The following COL19A1 variants were observed in gnomAD, a reference collection of about 807,000 sequenced individuals.
COL19A1 encodes collagen alpha-1(XIX) chain.
A neutral mutation model predicts 190.2 loss-of-function variants in COL19A1; 159 were observed. The ratio of observed to expected loss-of-function variants is 0.84; its 90% CI spans 0.73 to 0.95. COL19A1 has a LOEUF of 0.95. Ranked by LOEUF, COL19A1 falls within the 40% of genes least tolerant of loss-of-function variation. The probability of loss-of-function intolerance (pLI) is 0.00; values close to 1 mark genes in which losing one functional copy is unlikely to be tolerated. For missense variants in COL19A1, 1,418 were observed against 1,431.9 expected, an observed-to-expected ratio of 0.99 and a Z score of 0.16; for synonymous variants, 509 against 458.9, an observed-to-expected ratio of 1.11 and a Z score of -1.39.
At chr6:70,185,065 T>A in intron 46 of COL19A1, 150 bp downstream of exon 46, 1 of 692,440 alleles carries the variant, frequency 1.4e-6, no homozygotes, top group Non-Finnish European at 2.3e-6. Flanking sequence ...TACCAGACAT[T>A]AAATATGACA....
intron 47 of COL19A1, among the ~76,000 whole-genome samples, chr6:70,189,783 A>G (rs1766739568): frequency 6.6e-6 from 1 of 152,238 alleles, no homozygotes; most frequent in African/African-American, 2.4e-5. Context: ...AAATTACAGA[A>G]TAAACTTTAT....
At chr6:70,176,635 G>A (rs1765823226) in intron 42 of COL19A1, 71 bp downstream of exon 42, 3 of 1,498,674 alleles carry the variant, frequency 2.0e-6, no homozygotes, top group Non-Finnish European at 9.2e-7. Flanking sequence ...CTGTGGCCAG[G>A]GATCAAGACA....
rs901687590 is a variant in COL19A1 at position 70,009,691 on chromosome 6, A to G, written c.1027-13936A>G. Among the ~76,000 whole-genome samples the G allele has an allele frequency of 2.2e-5, 3 of 139,024 alleles. No individual in the cohort carries two copies. The East Asian group carries it at 5.8e-4, about 27-fold the overall frequency. The allele number at this position is 139,024 out of a possible 152,430, so 91.2% of individuals were successfully genotyped here. ...AGGACTAATATTACCTGATTTCAAC[A>G]TTTATCATAATGATAATCAAGGAAG... On this transcript the variant is annotated intron_variant, in intron 11 of 50. Coordinates refer to ENST00000620364, the MANE Select transcript of COL19A1 (RefSeq NM_001858.6).
intron 9 of COL19A1, among the ~76,000 whole-genome samples, chr6:69,944,120 T>C (rs762869547): frequency 2.1e-4 from 32 of 152,128 alleles, no homozygotes; most frequent in Non-Finnish European, 2.2e-4. Context: ...CCACATCCAC[T>C]TGGCTCGCTC....
At position 70,123,526 on chromosome 6, in the gene COL19A1, T is replaced by C. The variant is rs1434904363; in HGVS notation, c.1341+1584T>C. On this transcript the variant is annotated intron_variant, in intron 17 of 50. Transcript: ENST00000620364. ...ATGCACACGTATGTTTATTGTGGCA[T>C]TATTCACAATAGCAAAGACTTGGAA... 1.3e-3 allele frequency among the ~76,000 whole-genome samples: 180 copies of C among 138,626 alleles called. 1 individual carries two copies. Among genetic ancestry groups the C allele is most frequent in the Admixed American group, 2.2e-3 (30 of 13,790 alleles). 90.9% of individuals were successfully genotyped at this position (138,626 alleles called of 152,430 possible).
chr6:69,944,941 A>G (rs879250994), intron 9 of COL19A1, among the ~76,000 whole-genome samples: 1 of 151,876 alleles, frequency 6.6e-6, no homozygotes, highest in African/African-American at 2.4e-5. Context: ...AATTGTAATA[A>G]TTTTCTGAAT....
At chr6:70,177,571 A>G (rs1217666614) in intron 42 of COL19A1, among the ~76,000 whole-genome samples, 1 of 152,242 alleles carries the variant, frequency 6.6e-6, no homozygotes, top group African/African-American at 2.4e-5. Flanking sequence ...AAATATTCGT[A>G]TGACTGTAAA....
chr6:70,144,165 A>C, intron 23 of COL19A1, 45 bp from the exon 24 acceptor site: 18 of 1,483,266 alleles, frequency 1.2e-5, no homozygotes, highest in Non-Finnish European at 1.6e-5. Flanking sequence ...TGTTATTGTA[A>C]GAGATGTTCT....
At chr6:70,021,557 TTTA>T (rs1314501640) in intron 11 of COL19A1, among the ~76,000 whole-genome samples, 4 of 152,206 alleles carry the variant, frequency 2.6e-5, no homozygotes, top group African/African-American at 9.6e-5. Context: ...GTATTAACAC[TTTA>T]TTGTTTCTGA....
chr6:70,034,978 C>T (rs763869302), intron 13 of COL19A1, among the ~76,000 whole-genome samples: 4 of 152,186 alleles, frequency 2.6e-5, no homozygotes, highest in Admixed American at 1.3e-4. Flanking sequence ...CTTCAGTGTT[C>T]CCTTAGCAAC....
chr6:69,958,557 T>G (rs1364705704), intron 9 of COL19A1, among the ~76,000 whole-genome samples: 2 of 152,220 alleles, frequency 1.3e-5, no homozygotes, highest in African/African-American at 2.4e-5. Context: ...ATGATAGAAA[T>G]GTATTTATTA....
rs141935825 is a variant in COL19A1 at position 69,929,155 on chromosome 6, T to TACACAC, written c.391-249_391-244dup. On this transcript the variant is annotated intron_variant, in intron 5 of 50. Coordinates refer to ENST00000620364, the MANE Select transcript of COL19A1 (RefSeq NM_001858.6). Reference sequence around the variant, plus strand: ...GGTTTATATAAACATTTAAAATAACTACACACACACACACACACACACACA... The same window carrying TACACAC: ...GGTTTATATAAACATTTAAAATAACTACACACACACACACACACACACACACACACA... 8.2e-3 allele frequency among the ~76,000 whole-genome samples: 1,226 copies of TACACAC among 148,638 alleles called. 11 individuals carry two copies. The highest frequency in any genetic ancestry group is 0.022 in the African/African-American group (903 of 40,606).
At chr6:70,086,416 A>G (rs181808736) in intron 15 of COL19A1, among the ~76,000 whole-genome samples, 2 of 152,334 alleles carry the variant, frequency 1.3e-5, no homozygotes, top group African/African-American at 4.8e-5. Context: ...AGTTATCCCA[A>G]GAGGAAGGTG....
intron 33 of COL19A1, 143 bp downstream of exon 33, chr6:70,156,512 A>G: frequency 9.8e-7 from 1 of 1,023,012 alleles, no homozygotes; most frequent in South Asian, 1.6e-5. Context: ...AGAGAGAGAG[A>G]GAAAGTGATG....
chr6:69,902,857 G>A (rs1022079760), intron 4 of COL19A1, among the ~76,000 whole-genome samples: 3 of 152,292 alleles, frequency 2.0e-5, no homozygotes, highest in Middle Eastern at 3.4e-3. Context: ...AACCATCTAC[G>A]GTGAGGGGCT....
chr6:69,893,393 C>A (rs1769490728), intron 2 of COL19A1, among the ~76,000 whole-genome samples: 3 of 152,226 alleles, frequency 2.0e-5, no homozygotes, highest in Admixed American at 6.5e-5. Context: ...GTTAGAAACA[C>A]AATTGACAAA....
At chr6:69,994,879 G>A (rs188982484) in intron 11 of COL19A1, among the ~76,000 whole-genome samples, 1 of 152,152 alleles carries the variant, frequency 6.6e-6, no homozygotes, top group Admixed American at 6.6e-5. Flanking sequence ...ATGAGCCTAT[G>A]TTAGCATATC....
intron 37 of COL19A1, 129 bp from the exon 38 acceptor site, chr6:70,167,896 C>T: frequency 3.1e-6 from 2 of 635,920 alleles, no homozygotes; most frequent in Non-Finnish European, 5.2e-6. Flanking sequence ...TATTAAATTC[C>T]CTTTGTAAAA....
intron 4 of COL19A1, among the ~76,000 whole-genome samples, chr6:69,914,754 T>TGG (rs1306477745): frequency 2.6e-5 from 4 of 152,172 alleles, no homozygotes; most frequent in Non-Finnish European, 5.9e-5. Context: ...GGTTGAAGAA[T>TGG]TACCTCCGGA....
Sources: allele counts gnomAD v4.1 joint callset (sites outside exome capture counted in the v4.1 genomes callset), GRCh38; gene constraint gnomAD v4.1.1; transcripts MANE v1.5; gene names NCBI Gene and HGNC (gene_info 2026-07-23, HGNC 2026-07-21).